CTSE: variants seen among roughly 807,000 people sequenced by gnomAD.
CTSE encodes the protein cathepsin E.
A neutral mutation model predicts 42.8 loss-of-function variants in CTSE; 43 were observed. The ratio of observed to expected loss-of-function variants is 1.01; its 90% CI spans 0.79 to 1.30. The LOEUF is 1.30. CTSE is among the 50% of genes most tolerant of loss of function. The pLI is 0.00. For synonymous variants in CTSE, 205 were observed against 191.5 expected (o/e 1.07, Z -0.58); for missense variants, 532 against 493.5 (o/e 1.08, Z -0.74).
chr1:206,012,092 C>T (rs1661115885), intron 8 of CTSE, among the ~76,000 whole-genome samples: 1 of 152,138 alleles, frequency 6.6e-6, no homozygotes, highest in Non-Finnish European at 1.5e-5. Flanking sequence ...CTGAAGTTCA[C>T]TACTGCTTCA....
Position 206,021,917 on chromosome 1 carries a change from G to A in CTSE, c.343+233C>T, listed in dbSNP as rs575173521. 2.0e-5 allele frequency among the ~76,000 whole-genome samples: 3 copies of A among 152,164 alleles called. No homozygotes were observed. The East Asian group carries it at 5.8e-4, about 29-fold the overall frequency. On this transcript the variant is annotated intron_variant, in intron 3 of 8. Transcript: ENST00000358184. Reference sequence around the variant, plus strand: ...CAATGGCTTTCTTTCTATTAATTCTGATCAGTATGAAAGTTACTCTCTTGG... The same window carrying A: ...CAATGGCTTTCTTTCTATTAATTCTAATCAGTATGAAAGTTACTCTCTTGG...
chr1:206,013,711 T>C lies in CTSE; in HGVS notation c.785+61A>G. The C allele has an allele frequency of 2.5e-6, 4 of 1,577,286 alleles. No homozygotes were observed. The South Asian group carries it at 4.6e-5, about 18-fold the overall frequency. On this transcript the variant is annotated intron_variant, in intron 6 of 8. Coordinates refer to ENST00000358184, the MANE Select transcript of CTSE (RefSeq NM_001910.4). Reference sequence around the variant, plus strand: ...CAGTGGTTTTTCAGTTAAATCGGTTTGAGTTGTGCCTCTTTTCAGTTTACC... The same window carrying C: ...CAGTGGTTTTTCAGTTAAATCGGTTCGAGTTGTGCCTCTTTTCAGTTTACC...
At chr1:206,013,686 C>A in intron 6 of CTSE, 86 bp downstream of exon 6, 1 of 1,507,238 alleles carries the variant, frequency 6.6e-7, no homozygotes, top group Non-Finnish European at 9.1e-7. Flanking sequence ...TGCTAGTGAC[C>A]AGTGGTTTTT....
At chr1:206,021,237 C>T (rs1417452969) in intron 3 of CTSE, 70 bp from the exon 4 acceptor site, 2 of 1,209,790 alleles carry the variant, frequency 1.7e-6, no homozygotes, top group Non-Finnish European at 1.2e-6. Flanking sequence ...TAATGCCACC[C>T]AGCCCCACAG....
chr1:206,022,917 A>T lies in CTSE; in HGVS notation c.209T>A (p.Leu70His). ...CSMDQSAKEPLINYLDMEYFG... is the reference protein window; with the variant it reads ...CSMDQSAKEPHINYLDMEYFG... ...AGGCCTCACATCCAAGTAGTTGATGAGGGGTTCCTTGGCACTCTGGTCCAT... is the reference window on the plus strand; with the variant it reads ...AGGCCTCACATCCAAGTAGTTGATGTGGGGTTCCTTGGCACTCTGGTCCAT... Residue 70 changes from leucine to histidine, a missense_variant, in exon 2 of 9, where the codon CTC becomes CAC. Coordinates refer to ENST00000358184, the MANE Select transcript of CTSE (RefSeq NM_001910.4). 1 of 1,582,860 alleles carries T rather than the reference A, an allele frequency of 6.3e-7. No homozygotes were observed.
At chr1:206,019,863 A>G (rs1383069850) in intron 4 of CTSE, among the ~76,000 whole-genome samples, 2 of 140,218 alleles carry the variant, frequency 1.4e-5, no homozygotes, top group East Asian at 4.0e-4. Context: ...ATTATATAAT[A>G]GATTAACATA....
In CTSE at chr1:206,023,013, G is replaced by A; in HGVS notation, c.113C>T (p.Ala38Val). Residue 38 changes from alanine (A) to valine (V), a missense_variant, in exon 2 of 9, where the codon GCA becomes GTA. Coordinates refer to ENST00000358184, the MANE Select transcript of CTSE (RefSeq NM_001910.4). ...CCAGAACTCAGAGAGCTGGCTCCGT[G>A]CCCGCAGCTTCTTCTTGAGGGACGG... ...RHPSLKKKLR[A>V]RSQLSEFWKS... is the part of the protein sequence containing the mutation. The A allele has an allele frequency of 1.2e-6, 2 of 1,613,292 alleles. No individual in the cohort carries two copies. The highest frequency in any genetic ancestry group is 2.2e-5 in the East Asian group (1 of 44,874).
Position 206,022,279 on chromosome 1 carries a change from A to G in CTSE, c.226-12T>C, listed in dbSNP as rs782485580. ...CCGAAGTATTCCATCTGCAAGGAAG[A>G]GTGAGAAGGAAAGAGGGTGTGGGTG... On this transcript the variant is annotated splice_polypyrimidine_tract_variant and intron_variant, in intron 2 of 8. Coordinates refer to ENST00000358184, the MANE Select transcript of CTSE (RefSeq NM_001910.4). The G allele has an allele frequency of 6.3e-7, 1 of 1,580,870 alleles. No homozygotes were observed.
At chr1:206,014,342 T>C (rs913359278) in intron 5 of CTSE, among the ~76,000 whole-genome samples, 2 of 152,078 alleles carry the variant, frequency 1.3e-5, no homozygotes, top group African/African-American at 2.4e-5. Flanking sequence ...CTAATATGAA[T>C]GTATCATGAC....
chr1:206,014,159 GGGCCAGCA>G, intron 5 of CTSE: 1 of 390,766 alleles, frequency 2.6e-6, no homozygotes, highest in Non-Finnish European at 4.7e-6. Context: ...GTGGGAAATG[GGGCCAGCA>G]GGTCTGTCAT....
chr1:206,022,319 G>T, intron 2 of CTSE, 52 bp from the exon 3 acceptor site: 1 of 1,353,992 alleles, frequency 7.4e-7, no homozygotes, highest in Non-Finnish European at 1.0e-6. Flanking sequence ...GGAGGGACAA[G>T]GGTGCTCACC....
rs903600566 is a variant in CTSE, at chr1:206,013,941, C to T, written c.663-47G>A. Reference sequence around the variant, plus strand: ...CTGTCCAGGAAGGGCCACTGCAAAACTCTAGGGGTGAGCCTCAGCTAGGAC... The same window carrying T: ...CTGTCCAGGAAGGGCCACTGCAAAATTCTAGGGGTGAGCCTCAGCTAGGAC... On this transcript the variant is annotated intron_variant, in intron 5 of 8. Transcript: ENST00000358184. 3 of 1,605,336 alleles carry T rather than the reference C, an allele frequency of 1.9e-6. No homozygotes were observed. In the African/African-American group the frequency reaches 4.0e-5, roughly 21 times the overall value.
intron 3 of CTSE, 88 bp downstream of exon 3, chr1:206,022,062 C>G (rs2102278571): frequency 1.2e-6 from 1 of 867,320 alleles, no homozygotes; most frequent in African/African-American, 1.7e-5. Flanking sequence ...GTTTCTGGAA[C>G]CTAAGCCCCC....
chr1:206,023,585 G>A (rs887702205), intron 1 of CTSE, 139 bp downstream of exon 1: 7 of 727,532 alleles, frequency 9.6e-6, no homozygotes, highest in African/African-American at 5.3e-5. Flanking sequence ...GTCACTGGAT[G>A]AGTCTCTTCC....
chr1:206,023,851 T>A lies in CTSE; in HGVS notation c.-60A>T. 2 of 1,562,556 alleles carry A rather than the reference T, an allele frequency of 1.3e-6. No homozygotes were observed. Among genetic ancestry groups the A allele is most frequent in the South Asian group, 2.2e-5 (2 of 89,520 alleles). Reference sequence around the variant, plus strand: ...TCCTTTCTTCTCTCCCCGAGGGCAGTGGGAACGGACTTTCCCTAACTCTCA... The same window carrying A: ...TCCTTTCTTCTCTCCCCGAGGGCAGAGGGAACGGACTTTCCCTAACTCTCA... On this transcript the variant is annotated 5_prime_UTR_variant, in exon 1 of 9. Coordinates refer to ENST00000358184, the MANE Select transcript of CTSE (RefSeq NM_001910.4).
At chr1:206,014,025 T>G in intron 5 of CTSE, 131 bp from the exon 6 acceptor site, 1 of 983,178 alleles carries the variant, frequency 1.0e-6, no homozygotes, top group Non-Finnish European at 1.5e-6. Context: ...AGTCTGGGCT[T>G]TGAGACCGGG....
chr1:206,018,238 C>T lies in CTSE; in HGVS notation c.463-2108G>A, dbSNP rs1661315441. ...TCATATTGGTCATATGATTTTTCTCCTTTTATTCTGTTAAATGATAAATTC... is the reference window on the plus strand; with the variant it reads ...TCATATTGGTCATATGATTTTTCTCTTTTTATTCTGTTAAATGATAAATTC... On this transcript the variant is annotated intron_variant, in intron 4 of 8. Transcript: ENST00000358184. 7.9e-5 allele frequency among the ~76,000 whole-genome samples: 12 copies of T among 151,982 alleles called. No homozygotes were observed. The South Asian group carries it at 2.5e-3, about 32-fold the overall frequency.
chr1:206,012,204 G>A (rs567908704), intron 8 of CTSE, 104 bp downstream of exon 8: 25 of 881,210 alleles, frequency 2.8e-5, no homozygotes, highest in South Asian at 1.3e-4. Flanking sequence ...AACGTGGGGC[G>A]GGGCTTAGGG....
At chr1:206,021,880 GA>G (rs1391593271) in intron 3 of CTSE, among the ~76,000 whole-genome samples, 8 of 152,188 alleles carry the variant, frequency 5.3e-5, no homozygotes, top group Admixed American at 5.2e-4. Flanking sequence ...TTATGTCAAA[GA>G]TTTCTCTTTT....
Sources: allele counts gnomAD v4.1 joint callset (sites outside exome capture counted in the v4.1 genomes callset), GRCh38; gene constraint gnomAD v4.1.1; transcripts MANE v1.5; gene names NCBI Gene and HGNC (gene_info 2026-07-23, HGNC 2026-07-21).